Variants in GALNT18 observed in about 807,000 individuals in gnomAD.
The protein encoded by GALNT18 is GalNAc-transferase 18.
GALNT18 carries 44 observed loss-of-function variants against 69.5 expected under a neutral mutation model. That is an observed-to-expected ratio of 0.63 (90% CI 0.50 to 0.81). The LOEUF (loss-of-function observed/expected upper bound fraction) is 0.81. Ranked by LOEUF, GALNT18 falls within the 40% of genes least tolerant of loss-of-function variation. The pLI is 0.00. For synonymous variants in GALNT18, 364 were observed against 318.2 expected (o/e 1.14, Z -1.53); for missense variants, 715 against 810.0 (o/e 0.88, Z 1.42).
intron 2 of GALNT18, among the ~76,000 whole-genome samples, chr11:11,443,791 G>A (rs1855584940): frequency 6.6e-6 from 1 of 152,238 alleles, no homozygotes; most frequent in South Asian, 2.1e-4. Flanking sequence ...GAAGTGTCCT[G>A]CCTCCCCCAG....
intron 1 of GALNT18, among the ~76,000 whole-genome samples, chr11:11,489,052 C>A (rs1436646033): frequency 6.6e-6 from 1 of 152,218 alleles, no homozygotes; most frequent in African/African-American, 2.4e-5. Context: ...GAGTATGATC[C>A]AGGCACAGTG....
intron 1 of GALNT18, among the ~76,000 whole-genome samples, chr11:11,585,357 T>TC (rs1270203749): frequency 6.6e-6 from 1 of 151,236 alleles, no homozygotes; most frequent in Admixed American, 6.6e-5. Flanking sequence ...GAAAAATCTT[T>TC]TTTTTTTTTT....
chr11:11,419,474 G>A (rs1286975730), intron 3 of GALNT18, among the ~76,000 whole-genome samples: 2 of 151,720 alleles, frequency 1.3e-5, no homozygotes, highest in Non-Finnish European at 2.9e-5. Flanking sequence ...GCGCACGCCT[G>A]TAATCCCAGC....
chr11:11,325,309 T>C (rs949053380), intron 9 of GALNT18, among the ~76,000 whole-genome samples: 1 of 152,124 alleles, frequency 6.6e-6, no homozygotes, highest in Non-Finnish European at 1.5e-5. Context: ...AGCTAAGCTA[T>C]GAGGATGCAA....
intron 1 of GALNT18, among the ~76,000 whole-genome samples, chr11:11,553,376 G>A (rs751021801): frequency 6.6e-5 from 10 of 152,170 alleles, no homozygotes; most frequent in Admixed American, 5.9e-4. Flanking sequence ...GGCCAGCCAC[G>A]ACTGGAACCA....
At position 11,293,202 on chromosome 11, in the gene GALNT18, G is replaced by A. The variant is rs368789058; in HGVS notation, c.1513-9C>T. On this transcript the variant is annotated splice_polypyrimidine_tract_variant and intron_variant, in intron 9 of 10. Transcript: ENST00000227756. ...CTCGTGTAGTACACGTTCTGGGGGC[G>A]GAGGGAGGGAGAGAGTGTGGATAAA... The A allele has an allele frequency of 8.6e-5, 113 of 1,318,786 alleles. No individual in the cohort carries two copies. The highest frequency in any genetic ancestry group is 4.2e-4 in the East Asian group (15 of 35,698). 81.7% of individuals were successfully genotyped at this position (1,318,786 alleles called of 1,614,324 possible).
Position 11,619,691 on chromosome 11 carries a change from G to T in GALNT18, c.235+1668C>A, listed in dbSNP as rs1332700011. On this transcript the variant is annotated intron_variant, in intron 1 of 10. Transcript: ENST00000227756. The surrounding 1 kb of genome is among the most constrained non-coding windows in gnomAD (Gnocchi z 4.9). ...TAAGGCATGGCTTTGTGTCTCCTGG[G>T]GAACATTCTGAATCACCCTGGGGGA... 2.0e-5 allele frequency among the ~76,000 whole-genome samples: 3 copies of T among 152,140 alleles called. No homozygotes were observed.
At chr11:11,281,435 C>T (rs540231730) in intron 10 of GALNT18, among the ~76,000 whole-genome samples, 8 of 152,288 alleles carry the variant, frequency 5.3e-5, no homozygotes, top group Non-Finnish European at 8.8e-5. Context: ...GCACAACAAA[C>T]GGGCCCGGAC....
intron 5 of GALNT18, among the ~76,000 whole-genome samples, chr11:11,373,286 T>C (rs1850956617): frequency 1.3e-5 from 2 of 152,156 alleles, no homozygotes; most frequent in Admixed American, 1.3e-4. Context: ...TGAAAAATGA[T>C]GGAGAGCTGA....
chr11:11,429,448 G>A (rs574015423), intron 3 of GALNT18, among the ~76,000 whole-genome samples: 2 of 152,254 alleles, frequency 1.3e-5, no homozygotes, highest in East Asian at 1.9e-4. Context: ...CTCCAAATCC[G>A]TATTCCCACA....
At chr11:11,272,685 G>T (rs916954172) in intron 10 of GALNT18, among the ~76,000 whole-genome samples, 2 of 152,218 alleles carry the variant, frequency 1.3e-5, no homozygotes, top group Non-Finnish European at 2.9e-5. Context: ...CTGCAACCAT[G>T]TATCAAAGCT....
intron 10 of GALNT18, among the ~76,000 whole-genome samples, chr11:11,275,429 G>GAT (rs746625088): frequency 4.6e-5 from 7 of 152,144 alleles, no homozygotes; most frequent in Non-Finnish European, 8.8e-5. Flanking sequence ...GTAGATTCTG[G>GAT]ATATTAGCCC....
intron 6 of GALNT18, among the ~76,000 whole-genome samples, chr11:11,370,316 T>G (rs1850869837): frequency 1.3e-5 from 2 of 152,170 alleles, no homozygotes; most frequent in African/African-American, 4.8e-5. Context: ...GTGTGCTGCT[T>G]TATAGAGGAA....
intron 1 of GALNT18, among the ~76,000 whole-genome samples, chr11:11,567,735 G>C (rs1216322948): frequency 6.6e-6 from 1 of 152,162 alleles, no homozygotes; most frequent in Non-Finnish European, 1.5e-5. Context: ...CATTGTTTGG[G>C]AATCAAGGAT....
chr11:11,370,816 T>C (rs980964412), intron 6 of GALNT18, among the ~76,000 whole-genome samples: 2 of 152,216 alleles, frequency 1.3e-5, no homozygotes, highest in African/African-American at 4.8e-5. Context: ...TCTCCATTCC[T>C]GCACATTTTT....
Position 11,523,602 on chromosome 11 carries a change from C to A in GALNT18, c.236-74666G>T, listed in dbSNP as rs1857449780. Reference sequence around the variant, plus strand: ...GGCGTGTTGGTGGGCTCCTGTAGTCCCAGCTACTCGGGAGGCTGAGGCAGG... The same window carrying A: ...GGCGTGTTGGTGGGCTCCTGTAGTCACAGCTACTCGGGAGGCTGAGGCAGG... On this transcript the variant is annotated intron_variant, in intron 1 of 10. Coordinates refer to ENST00000227756, the MANE Select transcript of GALNT18 (RefSeq NM_198516.3). The surrounding 1 kb of genome is among the most constrained non-coding windows in gnomAD (Gnocchi z 4.3). Among the ~76,000 whole-genome samples the A allele has an allele frequency of 6.6e-6, 1 of 151,746 alleles. No individual in the cohort carries two copies. Among genetic ancestry groups the A allele is most frequent in the Non-Finnish European group, 1.5e-5 (1 of 67,956 alleles).
chr11:11,292,953 A>T, intron 10 of GALNT18, 76 bp downstream of exon 10: 2 of 1,282,966 alleles, frequency 1.6e-6, no homozygotes, highest in Non-Finnish European at 2.0e-6. Context: ...CTCCTCCACC[A>T]CCTCCCTGGC....
At position 11,605,052 on chromosome 11, in the gene GALNT18, T is replaced by C. The variant is rs756084825; in HGVS notation, c.235+16307A>G. ...TACTGCCTAAATGACTCTTCTCAAA[T>C]TGAAAATATCAGAGAATAATAGGAA... is the stretch of plus-strand genomic sequence containing the variant. On this transcript the variant is annotated intron_variant, in intron 1 of 10. Transcript: ENST00000227756. The surrounding 1 kb of genome is among the most constrained non-coding windows in gnomAD (Gnocchi z 4.7). 3.2e-4 allele frequency among the ~76,000 whole-genome samples: 48 copies of C among 152,176 alleles called. No individual in the cohort carries two copies. The highest frequency in any genetic ancestry group is 2.5e-3 in the Admixed American group (38 of 15,282).
In GALNT18 at chr11:11,583,774, T is replaced by C. The variant is rs765167047; in HGVS notation, c.235+37585A>G. On this transcript the variant is annotated intron_variant, in intron 1 of 10. Coordinates refer to ENST00000227756, the MANE Select transcript of GALNT18 (RefSeq NM_198516.3). This position sits in a 1 kb window ranked among gnomAD's most constrained non-coding sequence, Gnocchi z 4.7. ...AAAAGCAAAAATCAAACCAGACTTA[T>C]AGCACTATCGGCCAGTAATGGTTAA... is the stretch of plus-strand genomic sequence containing the variant. 2.0e-5 allele frequency among the ~76,000 whole-genome samples: 3 copies of C among 152,118 alleles called. No individual in the cohort carries two copies. The highest frequency in any genetic ancestry group is 1.9e-4 in the East Asian group (1 of 5,164).
Sources: allele counts gnomAD v4.1 joint callset (sites outside exome capture counted in the v4.1 genomes callset), GRCh38; gene constraint gnomAD v4.1.1; non-coding constraint Gnocchi (gnomAD v3.1); transcripts MANE v1.5; gene names NCBI Gene and HGNC (gene_info 2026-07-23, HGNC 2026-07-21).